The following MAPK10 variants were observed in gnomAD, a reference collection of about 807,000 sequenced individuals.
The protein encoded by MAPK10 is JNK3 alpha protein kinase.
MAPK10 carries 25 observed loss-of-function variants against 59.3 expected under a neutral mutation model. The observed-to-expected ratio is 0.42, with a 90% CI of 0.31 to 0.59. The LOEUF is 0.59. Among genes scored for constraint, MAPK10 ranks in the 20% least tolerant of loss-of-function variants. The pLI is 0.15. For missense variants in MAPK10, 351 were observed against 568.9 expected (o/e 0.62, Z 3.90); for synonymous variants, 190 against 200.5 (o/e 0.95, Z 0.44).
chr4:86,100,925 G>GCCTATCTGGCAGCATATTAAAAAA, intron 8 of MAPK10, 127 bp downstream of exon 8: 1 of 741,376 alleles, frequency 1.3e-6, no homozygotes, highest in Non-Finnish European at 2.1e-6. Context: ...AAAAAACCCT[G>GCCTATCTGGCAGCATATTAAAAAA]AATATGCTAT....
chr4:86,568,859 A>T (rs1032697856), intron 1 of MAPK10, among the ~76,000 whole-genome samples: 4 of 152,154 alleles, frequency 2.6e-5, no homozygotes, highest in African/African-American at 7.2e-5. Context: ...AAACCTAGGA[A>T]TAGCTCTTCT....
chr4:86,360,621 G>C (rs1259739054), upstream of MAPK10, among the ~76,000 whole-genome samples: 1 of 152,004 alleles, frequency 6.6e-6, no homozygotes, highest in Non-Finnish European at 1.5e-5. Flanking sequence ...TGCAATCTGA[G>C]TGTACAAAGA....
intron 2 of MAPK10, among the ~76,000 whole-genome samples, chr4:86,240,107 C>A (rs2092611312): frequency 6.6e-6 from 1 of 152,146 alleles, no homozygotes; most frequent in Admixed American, 6.5e-5. Context: ...TATTATTTAT[C>A]CAGGAGTCAT....
In MAPK10 at chr4:86,377,883, G is replaced by A. The variant is rs189047766; in HGVS notation, c.-121-23239C>T. 8.5e-5 allele frequency among the ~76,000 whole-genome samples: 13 copies of A among 152,166 alleles called. No individual in the cohort carries two copies. The East Asian group carries it at 2.3e-3, about 27-fold the overall frequency. ...AGCACAAGAGAAAGATACAGGATGG[G>A]AGGCTAGGCCAGTCTCTCCTTTCAC... On this transcript the variant is annotated intron_variant, in intron 1 of 13. Transcript: ENST00000361569.
chr4:86,440,696 C>CCATA (rs1455064668), intron 1 of MAPK10, among the ~76,000 whole-genome samples: 2 of 151,444 alleles, frequency 1.3e-5, no homozygotes, highest in Non-Finnish European at 2.9e-5. Context: ...TAGAATATGT[C>CCATA]CATACAGTGG....
chr4:86,034,128 T>A (rs1054575288), intron 11 of MAPK10, among the ~76,000 whole-genome samples: 5 of 152,204 alleles, frequency 3.3e-5, no homozygotes, highest in Non-Finnish European at 7.3e-5. Context: ...TAGGAGAGTT[T>A]AGCAGATAAG....
At chr4:86,218,564 T>G in intron 2 of MAPK10, among the ~76,000 whole-genome samples, 1 of 50,130 alleles carries the variant, frequency 2.0e-5, no homozygotes, top group African/African-American at 8.4e-5. Context: ...TAATAAGACT[T>G]AAGCAAAAAA....
At chr4:86,268,600 T>C (rs1461163240) in intron 2 of MAPK10, 2 of 152,116 alleles carry the variant, frequency 1.3e-5, no homozygotes, top group Admixed American at 1.3e-4. Context: ...CTTCTTTCTC[T>C]CTCTTGAACA....
intron 2 of MAPK10, among the ~76,000 whole-genome samples, chr4:86,221,278 G>A (rs902959193): frequency 6.6e-6 from 1 of 152,160 alleles, no homozygotes; most frequent in Non-Finnish European, 1.5e-5. Flanking sequence ...GGCTTTTACA[G>A]GTCACTGGCT....
upstream of MAPK10, among the ~76,000 whole-genome samples, chr4:86,455,433 C>T (rs539015206): frequency 2.6e-5 from 4 of 152,160 alleles, no homozygotes; most frequent in South Asian, 2.1e-4. Flanking sequence ...TAAGGACTCA[C>T]ATAAATTTAA....
intron 4 of MAPK10, among the ~76,000 whole-genome samples, chr4:86,111,782 G>T (rs1342736670): frequency 6.6e-6 from 1 of 152,140 alleles, no homozygotes. Flanking sequence ...CAATTGTTTG[G>T]ACTAGTTTCA....
intron 1 of MAPK10, among the ~76,000 whole-genome samples, chr4:86,548,404 T>A (rs916769362): frequency 6.6e-6 from 1 of 152,196 alleles, no homozygotes; most frequent in African/African-American, 2.4e-5. Context: ...GCTTCATTCC[T>A]GAAGTCAGTG....
intron 1 of MAPK10, among the ~76,000 whole-genome samples, chr4:86,498,790 T>C (rs1008381716): frequency 3.3e-5 from 5 of 152,170 alleles, no homozygotes; most frequent in African/African-American, 1.2e-4. Flanking sequence ...CAAACATCAT[T>C]TATAGCTAAC....
chr4:86,477,074 C>T (rs900674174), intron 1 of MAPK10, among the ~76,000 whole-genome samples: 1 of 152,162 alleles, frequency 6.6e-6, no homozygotes, highest in Admixed American at 6.5e-5. Flanking sequence ...TGACACTGCC[C>T]GATTGCCTCA....
At chr4:86,062,995 T>C (rs1356264458) in intron 11 of MAPK10, among the ~76,000 whole-genome samples, 1 of 152,202 alleles carries the variant, frequency 6.6e-6, no homozygotes, top group African/African-American at 2.4e-5. Context: ...TGAGGCAACA[T>C]GAAATCTCAA....
At chr4:86,574,122 T>C (rs1267741798) in intron 1 of MAPK10, among the ~76,000 whole-genome samples, 3 of 151,958 alleles carry the variant, frequency 2.0e-5, no homozygotes, top group Non-Finnish European at 4.4e-5. Context: ...GTTCTCATTG[T>C]TCAATTCCCA....
At chr4:86,283,370 G>C (rs2094888518) in intron 2 of MAPK10, among the ~76,000 whole-genome samples, 1 of 152,152 alleles carries the variant, frequency 6.6e-6, no homozygotes, top group South Asian at 2.1e-4. Context: ...CAGCAGTGCT[G>C]GGCAGCAGAG....
chr4:86,477,384 C>T (rs1753188269), intron 1 of MAPK10, among the ~76,000 whole-genome samples: 1 of 152,152 alleles, frequency 6.6e-6, no homozygotes, highest in Admixed American at 6.5e-5. Context: ...GCTTCCCTGA[C>T]TATTCCTGGG....
intron 1 of MAPK10, among the ~76,000 whole-genome samples, chr4:86,446,042 A>G (rs1167053113): frequency 3.9e-5 from 6 of 152,168 alleles, no homozygotes; most frequent in African/African-American, 7.2e-5. Context: ...AATAGAAATA[A>G]TGTATTTGAT....
Sources: allele counts gnomAD v4.1 joint callset (sites outside exome capture counted in the v4.1 genomes callset), GRCh38; gene constraint gnomAD v4.1.1; transcripts MANE v1.5; gene names NCBI Gene and HGNC (gene_info 2026-07-23, HGNC 2026-07-21).